RPS6KA3: variants seen among roughly 807,000 people sequenced by gnomAD.
The protein encoded by RPS6KA3 is ribosomal protein S6 kinase A3, also known as ribosomal protein S6 kinase alpha-3.
Under a neutral mutation model 67.2 loss-of-function variants are expected in RPS6KA3, and 4 were observed. The ratio of observed to expected loss-of-function variants is 0.06; its 90% CI spans 0.03 to 0.14. RPS6KA3 has a LOEUF of 0.14. Ranked by LOEUF, RPS6KA3 falls within the 10% of genes least tolerant of loss-of-function variation. The pLI is 1.00. For synonymous variants in RPS6KA3, 182 were observed against 183.7 expected, an observed-to-expected ratio of 0.99 and a Z score of 0.07; for missense variants, 204 against 559.0, an observed-to-expected ratio of 0.36 and a Z score of 6.40.
Position 20,177,016 on chromosome X carries a change from C to T in RPS6KA3, c.914G>A (p.Arg305Gln). ...AQSLLRMLFK[R>Q]NPANRLGAGP... is the part of the protein sequence containing the mutation. ...TTTACCTAATCTGTTTGCAGGATTT[C>T]GCTTGAAAAGCATTCGTAAAAGACT... Residue 305 changes from arginine (R) to glutamine (Q), a missense_variant, in exon 11 of 22, where the codon CGA (arginine) becomes CAA (glutamine). Coordinates refer to ENST00000379565, the MANE Select transcript of RPS6KA3 (RefSeq NM_004586.3). 8.3e-7 allele frequency: 1 copy of T among 1,204,586 alleles called. No individual in the cohort carries two copies. Among genetic ancestry groups the T allele is most frequent in the Non-Finnish European group, 1.1e-6 (1 of 888,863 alleles).
At chrX:20,250,880 T>C (rs2069845830) in intron 1 of RPS6KA3, among the ~76,000 whole-genome samples, 1 of 112,063 alleles carries the variant, frequency 8.9e-6, no homozygotes, top group Non-Finnish European at 1.9e-5. Context: ...ATAAAATGAG[T>C]TGTAAACTGT....
intron 13 of RPS6KA3, 40 bp downstream of exon 13, chrX:20,176,210 T>G (rs377426873): frequency 3.5e-6 from 3 of 859,715 alleles, no homozygotes; most frequent in Non-Finnish European, 5.2e-6. Flanking sequence ...AAAAAACATA[T>G]TTGTTGTCTT....
rs765801948 is a variant in RPS6KA3 at position 20,151,113 on chromosome X, A to ATTC, written c.*4284_*4285insGAA. The ATTC allele has an allele frequency of 8.9e-6, 1 of 112,877 alleles. No homozygotes were observed. The highest frequency in any genetic ancestry group is 2.8e-4 in the East Asian group (1 of 3,592). The allele number at this position is 112,877 out of a possible 1,213,427, so 9.3% of individuals were successfully genotyped here. ...TTACTAGAAATCTTTGAGAACACTC[A>ATTC]GTCACATTGGAACCAGCTGCAAATC... On this transcript the variant is annotated 3_prime_UTR_variant, in exon 22 of 22. Transcript: ENST00000379565.
intron 1 of RPS6KA3, among the ~76,000 whole-genome samples, chrX:20,261,991 G>C (rs952044168): frequency 6.3e-5 from 7 of 111,982 alleles, no homozygotes; most frequent in Non-Finnish European, 1.1e-4. Flanking sequence ...TTGCACAGCT[G>C]CATTTCAATG....
intron 18 of RPS6KA3, among the ~76,000 whole-genome samples, chrX:20,164,169 C>A (rs1477704386): frequency 9.1e-6 from 1 of 110,075 alleles, no homozygotes; most frequent in East Asian, 2.9e-4. Context: ...CAAACAAAAA[C>A]CCCAAATTAT....
At chrX:20,248,502 CAG>C (rs1410942602) in intron 1 of RPS6KA3, among the ~76,000 whole-genome samples, 3 of 110,328 alleles carry the variant, frequency 2.7e-5, no homozygotes, top group African/African-American at 6.6e-5. Context: ...TTTTTTGAGA[CAG>C]AGTCTCGCTC....
intron 2 of RPS6KA3, among the ~76,000 whole-genome samples, chrX:20,231,990 A>T (rs2069278102): frequency 8.9e-6 from 1 of 111,762 alleles, no homozygotes; most frequent in African/African-American, 3.3e-5. Flanking sequence ...AGGCAATTTT[A>T]TACATGATAA....
intron 10 of RPS6KA3, among the ~76,000 whole-genome samples, chrX:20,181,206 G>A (rs771614964): frequency 5.4e-5 from 6 of 111,976 alleles, no homozygotes; most frequent in South Asian, 3.7e-4. Context: ...GATAAATGTC[G>A]AATCTGGGTA....
At chrX:20,204,753 A>G (rs2068533287) in intron 3 of RPS6KA3, among the ~76,000 whole-genome samples, 1 of 111,256 alleles carries the variant, frequency 9.0e-6, no homozygotes, top group African/African-American at 3.3e-5. Flanking sequence ...ATATAAAATT[A>G]GCCAGATGTG....
Position 20,188,484 on chromosome X carries a change from A to ATTT in RPS6KA3, c.631+10_631+12dup. The ATTT allele has an allele frequency of 1.1e-6, 1 of 897,847 alleles. No individual in the cohort carries two copies. Among genetic ancestry groups the ATTT allele is most frequent in the Non-Finnish European group, 1.6e-6 (1 of 631,476 alleles). The allele number at this position is 897,847 out of a possible 1,213,427, so 74.0% of individuals were successfully genotyped here. The stretch of plus-strand genomic sequence containing the variant: ...GAGAAAATATTTTAATAAAACGAGG[A>ATTT]TTTTTTTTTTACCTGTTAACTTGAT... On this transcript the variant is annotated intron_variant, in intron 8 of 21. Transcript: ENST00000379565.
chrX:20,246,385 G>T (rs1342060786), intron 1 of RPS6KA3, among the ~76,000 whole-genome samples: 1 of 110,829 alleles, frequency 9.0e-6, no homozygotes, highest in Non-Finnish European at 1.9e-5. Flanking sequence ...CTTGTCAGGG[G>T]AAACGACAAT....
chrX:20,244,198 A>T (rs935673781), intron 1 of RPS6KA3, among the ~76,000 whole-genome samples: 1 of 111,631 alleles, frequency 9.0e-6, no homozygotes, highest in Non-Finnish European at 1.9e-5. Context: ...AAAACTGACC[A>T]TGTCACCTAG....
At chrX:20,251,743 T>C (rs2069876071) in intron 1 of RPS6KA3, among the ~76,000 whole-genome samples, 3 of 113,012 alleles carry the variant, frequency 2.7e-5, no homozygotes, top group Admixed American at 9.3e-5. Flanking sequence ...TCTTGCAAAA[T>C]TGAAACTCTG....
chrX:20,158,928 C>T (rs749478198), intron 20 of RPS6KA3, among the ~76,000 whole-genome samples: 1 of 111,657 alleles, frequency 9.0e-6, no homozygotes, highest in East Asian at 2.8e-4. Context: ...CTTTTAAGAC[C>T]TATAACCATA....
chrX:20,247,228 C>T (rs1251561048), intron 1 of RPS6KA3, among the ~76,000 whole-genome samples: 1 of 108,944 alleles, frequency 9.2e-6, no homozygotes, highest in African/African-American at 3.4e-5. Context: ...GAGTTCAAGA[C>T]CAGCCTGGCC....
At chrX:20,182,868 CA>C (rs896124643) in intron 10 of RPS6KA3, among the ~76,000 whole-genome samples, 4 of 111,821 alleles carry the variant, frequency 3.6e-5, no homozygotes, top group African/African-American at 1.3e-4. Flanking sequence ...TTTGTACTGT[CA>C]GTCTTTTTAT....
Position 20,167,665 on chromosome X carries a change from T to G in RPS6KA3, c.1526A>C (p.Lys509Thr). 1 of 1,202,749 alleles carries G rather than the reference T, an allele frequency of 8.3e-7. No homozygotes were observed. The highest frequency in any genetic ancestry group is 1.1e-6 in the Non-Finnish European group (1 of 887,343). The part of the protein sequence containing the change: ...GELLDKILRQ[K>T]FFSEREASAV... ...ACTGGCCTCTCGTTCAGAGAAAAAT[T>G]TTTGTCTAAGAATTTTATCCAGCAA... Residue 509 changes from lysine (K) to threonine (T), a missense_variant, in exon 17 of 22, where the codon AAA becomes ACA. This residue lies in a region of RPS6KA3 where 73 missense variants were observed against 241.1 expected (regional missense o/e 0.30). Transcript: ENST00000379565.
chrX:20,242,349 G>A (rs1182983350), intron 1 of RPS6KA3, among the ~76,000 whole-genome samples: 3 of 111,591 alleles, frequency 2.7e-5, no homozygotes, highest in Non-Finnish European at 3.8e-5. Context: ...ATTACAGTTC[G>A]AATCACTAAA....
chrX:20,244,288 GA>G (rs1209818830), intron 1 of RPS6KA3, among the ~76,000 whole-genome samples: 1 of 111,487 alleles, frequency 9.0e-6, no homozygotes, highest in African/African-American at 3.3e-5. Context: ...CTCAGCCTCC[GA>G]AAGTGCTAGG....
Sources: gnomAD v4.1 joint callset for allele counts (sites outside exome capture counted in the v4.1 genomes callset) on GRCh38, gnomAD v4.1.1 for gene constraint, gnomAD v4.1.1 regional missense constraint, MANE v1.5 for transcripts, NCBI Gene and HGNC (gene_info 2026-07-23, HGNC 2026-07-21) for gene names.